ITPRID2: variants seen among roughly 807,000 people sequenced by gnomAD.
ITPRID2 encodes ITPR interacting domain containing 2.
In ITPRID2, 60 loss-of-function variants were observed where a neutral mutation model predicts 124.3. That is an observed-to-expected ratio of 0.48 (90% CI 0.39 to 0.60). The LOEUF is 0.60. Among genes scored for constraint, ITPRID2 ranks in the 20% least tolerant of loss-of-function variants. The pLI, the probability that ITPRID2 is intolerant of heterozygous loss-of-function variation, is 0.00. For synonymous variants in ITPRID2, 521 were observed against 542.9 expected, an observed-to-expected ratio of 0.96 and a Z score of 0.56; for missense variants, 1,553 against 1,512.2, an observed-to-expected ratio of 1.03 and a Z score of -0.45.
chr2:181,915,924 A>G lies in ITPRID2; in HGVS notation c.2284A>G (p.Lys762Glu). The change falls in exon 11 of 18, where the codon AAA (lysine) becomes GAA (glutamate). Residue 762 changes from lysine to glutamate, a missense_variant. By Grantham distance (56) the Lys-to-Glu change is moderately conservative. Coordinates refer to ENST00000431877, the MANE Select transcript of ITPRID2 (RefSeq NM_001130445.3). ...SSVNVRLSPG[K>E]ETRCSPPSFT... ...TGTCAATGTTCGATTATCTCCAGGA[A>G]AAGAGACCAGATGCAGCCCACCTTC... is the stretch of plus-strand genomic sequence containing the variant. 1.2e-6 allele frequency: 2 copies of G among 1,614,212 alleles called. No individual in the cohort carries two copies. The highest frequency in any genetic ancestry group is 1.6e-4 in the Middle Eastern group (1 of 6,062).
rs562596702 is a variant in ITPRID2, at chr2:181,930,475, G to C, written c.*928G>C. 3 of 152,490 alleles carry C rather than the reference G, an allele frequency of 2.0e-5. No individual in the cohort carries two copies. Among genetic ancestry groups the C allele is most frequent in the East Asian group, 1.9e-4 (1 of 5,190 alleles). 9.4% of individuals were successfully genotyped at this position (152,490 alleles called of 1,614,324 possible). ...TGTTTTTATGAAAAAAAAGGAAAAT[G>C]GTTTCCCATTTGGTTTTATATGTGT... On this transcript the variant is annotated 3_prime_UTR_variant, in exon 18 of 18. Transcript: ENST00000431877.
Position 181,915,641 on chromosome 2 carries a change from T to G in ITPRID2, c.2001T>G (p.Ala667=). 6.2e-7 allele frequency: 1 copy of G among 1,614,220 alleles called. No homozygotes were observed. Among genetic ancestry groups the G allele is most frequent in the Non-Finnish European group, 8.5e-7 (1 of 1,180,036 alleles). Residue 667 remains alanine, a synonymous_variant, in exon 11 of 18, where the codon GCT becomes GCG. Transcript: ENST00000431877. ...CACACCATATTCTGAAATCATTGGC[T>G]TCTATTGAAGCTAAATGCAGTGATA... is the stretch of plus-strand genomic sequence containing the variant. The part of the protein sequence containing the change: ...YTTHHILKSL[A]SIEAKCSDMS...
chr2:181,894,958 T>G (rs1482252228), intron 2 of ITPRID2, among the ~76,000 whole-genome samples: 1 of 152,130 alleles, frequency 6.6e-6, no homozygotes, highest in Non-Finnish European at 1.5e-5. Flanking sequence ...GATGACTTTT[T>G]AAAGACATAC....
At chr2:181,925,226 T>G (rs577277793) in intron 16 of ITPRID2, among the ~76,000 whole-genome samples, 11 of 152,364 alleles carry the variant, frequency 7.2e-5, no homozygotes, top group African/African-American at 2.6e-4. Flanking sequence ...AGGCACTCAG[T>G]AAGTGCATAA....
intron 10 of ITPRID2, among the ~76,000 whole-genome samples, chr2:181,914,689 A>G (rs1165212410): frequency 6.6e-5 from 10 of 152,228 alleles, no homozygotes; most frequent in Admixed American, 6.5e-4. Flanking sequence ...TCCTTTTATA[A>G]TAACATGAAA....
chr2:181,919,572 T>A lies in ITPRID2; in HGVS notation c.3144+126T>A. ...TGGTATTAAAAGCATGCATACTGTT[T>A]AAGGAGCTTTCCCACAAATCAGTTG... On this transcript the variant is annotated intron_variant, in intron 14 of 17. Coordinates refer to ENST00000431877, the MANE Select transcript of ITPRID2 (RefSeq NM_001130445.3). The surrounding 1 kb of genome is among the most constrained non-coding windows in gnomAD (Gnocchi z 4.2). 1.0e-6 allele frequency: 1 copy of A among 966,496 alleles called. No individual in the cohort carries two copies. Among genetic ancestry groups the A allele is most frequent in the Non-Finnish European group, 1.4e-6 (1 of 707,118 alleles). The allele number at this position is 966,496 out of a possible 1,614,324, so 59.9% of individuals were successfully genotyped here.
intron 8 of ITPRID2, among the ~76,000 whole-genome samples, chr2:181,908,483 CT>C (rs1475221660): frequency 2.0e-5 from 3 of 152,138 alleles, no homozygotes; most frequent in African/African-American, 7.2e-5. Context: ...ACATTGTTCC[CT>C]TGCATACAAG....
chr2:181,910,657 C>T lies in ITPRID2; in HGVS notation c.1486+686C>T. 1 of 676,524 alleles carries T rather than the reference C, an allele frequency of 1.5e-6. No homozygotes were observed. Among genetic ancestry groups the T allele is most frequent in the Non-Finnish European group, 2.7e-6 (1 of 368,204 alleles). The allele number at this position is 676,524 out of a possible 1,614,324, so 41.9% of individuals were successfully genotyped here. A position where few individuals can be genotyped will look rare whatever the true frequency, so the allele number is the denominator to read the frequency against. ...AGGACTGTTTATTTTTGAAACTTTA[C>T]ACATGCTGAACCACCCTGTTTTTTT... is the stretch of plus-strand genomic sequence containing the variant. On this transcript the variant is annotated intron_variant, in intron 9 of 17. Transcript: ENST00000431877. This position sits in a 1 kb window ranked among gnomAD's most constrained non-coding sequence, Gnocchi z 4.1.
At chr2:181,916,468 C>A in intron 11 of ITPRID2, 41 bp downstream of exon 11, 1 of 1,569,212 alleles carries the variant, frequency 6.4e-7, no homozygotes. Flanking sequence ...TTTTCTTTTA[C>A]TGCTCTGAGC....
At chr2:181,901,343 T>A (rs574971938) in intron 7 of ITPRID2, among the ~76,000 whole-genome samples, 1 of 152,318 alleles carries the variant, frequency 6.6e-6, no homozygotes, top group East Asian at 1.9e-4. Flanking sequence ...GCATTGTTCA[T>A]GGATCAGTTT....
intron 4 of ITPRID2, among the ~76,000 whole-genome samples, chr2:181,897,955 T>G (rs1205845207): frequency 6.6e-6 from 1 of 151,972 alleles, no homozygotes; most frequent in Non-Finnish European, 1.5e-5. Flanking sequence ...CAATTGAACA[T>G]GTTGTCAATC....
Position 181,899,029 on chromosome 2 carries a change from C to T in ITPRID2, c.420C>T (p.Ala140=), listed in dbSNP as rs201917809. 42 of 1,610,762 alleles carry T rather than the reference C, an allele frequency of 2.6e-5. No homozygotes were observed. The highest frequency in any genetic ancestry group is 5.9e-6 in the Non-Finnish European group (7 of 1,178,882). Residue 140 remains alanine (A), a synonymous_variant, in exon 6 of 18, where the codon GCC becomes GCT. Transcript: ENST00000431877. Reference sequence around the variant, plus strand: ...TTGTTCGTAGCAATAATATCTTGGCCAAAGAGAGAAGATTACAGTTTCATC... The same window carrying T: ...TTGTTCGTAGCAATAATATCTTGGCTAAAGAGAGAAGATTACAGTTTCATC... The part of the protein sequence containing the change: ...AQIENCNNIL[A]KERRLQFHQK...
In ITPRID2 at chr2:181,918,563, A is replaced by G. The variant is rs757886764; in HGVS notation, c.2788-35A>G. 3.1e-6 allele frequency: 5 copies of G among 1,610,362 alleles called. No homozygotes were observed. The Admixed American group carries it at 8.4e-5, about 27-fold the overall frequency. ...AAGTGATTTGGAAGTATTCACTTTAACATTGGTTTTAATCCTACTTTTACT... is the reference window on the plus strand; with the variant it reads ...AAGTGATTTGGAAGTATTCACTTTAGCATTGGTTTTAATCCTACTTTTACT... On this transcript the variant is annotated intron_variant, in intron 11 of 17. Coordinates refer to ENST00000431877, the MANE Select transcript of ITPRID2 (RefSeq NM_001130445.3).
chr2:181,913,553 T>C (rs926441293), intron 9 of ITPRID2, among the ~76,000 whole-genome samples: 1 of 152,240 alleles, frequency 6.6e-6, no homozygotes, highest in Non-Finnish European at 1.5e-5. Context: ...AAAACATTGA[T>C]TGGATTTACC....
intron 4 of ITPRID2, among the ~76,000 whole-genome samples, chr2:181,897,953 C>T (rs940139079): frequency 6.6e-6 from 1 of 151,924 alleles, no homozygotes; most frequent in African/African-American, 2.4e-5. Context: ...TACAATTGAA[C>T]ATGTTGTCAA....
In ITPRID2 at chr2:181,900,836, A is replaced by G. The variant is rs748694532; in HGVS notation, c.644A>G (p.Asp215Gly). 2 of 1,613,244 alleles carry G rather than the reference A, an allele frequency of 1.2e-6. No homozygotes were observed. The highest frequency in any genetic ancestry group is 1.7e-5 in the Admixed American group (1 of 59,938). The change falls in exon 7 of 18, where the codon GAT becomes GGT. Residue 215 changes from aspartate to glycine, a missense_variant. Physicochemically the swap from Asp to Gly is moderately conservative, Grantham distance 94 (BLOSUM62 -1). Coordinates refer to ENST00000431877, the MANE Select transcript of ITPRID2 (RefSeq NM_001130445.3). ...FNSSSFAKGI[D>G]IKVFLSAQMQ... The stretch of plus-strand genomic sequence containing the variant: ...TCATCATCCTTTGCCAAAGGGATAG[A>G]TATTAAAGTATTTTTGAGTGCTCAG...
intron 8 of ITPRID2, among the ~76,000 whole-genome samples, chr2:181,906,382 C>T (rs1431148034): frequency 6.6e-6 from 1 of 152,140 alleles, no homozygotes; most frequent in East Asian, 1.9e-4. Flanking sequence ...CTTTGACTTA[C>T]AGTTACATTT....
Position 181,892,084 on chromosome 2 carries a change from G to A in ITPRID2, c.18G>A (p.Ser6=), listed in dbSNP as rs1350875050. MDRPL[S]SSAEAEEELE... is the part of the protein sequence containing the mutation. ...GTGCGGCCATGGACCGGCCCCTGTC[G>A]TCGTCGGCGGAGGCGGAGGAGGAAC... Residue 6 remains serine (S), a synonymous_variant, in exon 1 of 18, where the codon TCG becomes TCA. Coordinates refer to ENST00000431877, the MANE Select transcript of ITPRID2 (RefSeq NM_001130445.3). This position sits in a 1 kb window ranked among gnomAD's most constrained non-coding sequence, Gnocchi z 5.2. The A allele has an allele frequency of 2.6e-6, 4 of 1,553,646 alleles. No homozygotes were observed. The highest frequency in any genetic ancestry group is 2.6e-6 in the Non-Finnish European group (3 of 1,149,656).
In ITPRID2 at chr2:181,922,200, C is replaced by T. The variant is rs748750479; in HGVS notation, c.3463C>T (p.Leu1155=). 6.2e-7 allele frequency: 1 copy of T among 1,614,250 alleles called. No homozygotes were observed. The highest frequency in any genetic ancestry group is 2.2e-5 in the East Asian group (1 of 44,894). Residue 1155 remains leucine (L), a synonymous_variant, in exon 16 of 18, where the codon CTA becomes TTA. Coordinates refer to ENST00000431877, the MANE Select transcript of ITPRID2 (RefSeq NM_001130445.3). Reference sequence around the variant, plus strand: ...GAAAGTGTTCCGAGCATCGGTGGCTCTAACGCCAACAGCTCCTTCTAGAAC... The same window carrying T: ...GAAAGTGTTCCGAGCATCGGTGGCTTTAACGCCAACAGCTCCTTCTAGAAC... ...RKKVFRASVA[L]TPTAPSRTGS... is the part of the protein sequence containing the mutation.
Sources: allele counts gnomAD v4.1 joint callset (sites outside exome capture counted in the v4.1 genomes callset), GRCh38; gene constraint gnomAD v4.1.1; non-coding constraint Gnocchi (gnomAD v3.1); transcripts MANE v1.5; gene names NCBI Gene and HGNC (gene_info 2026-07-23, HGNC 2026-07-21).